Variants in AGPAT3 observed in about 807,000 individuals in gnomAD.
AGPAT3 encodes the protein 1-acyl-sn-glycerol-3-phosphate acyltransferase gamma.
In AGPAT3, 5 loss-of-function variants were observed where a neutral mutation model predicts 47.3. That is an observed-to-expected ratio of 0.11 (90% CI 0.06 to 0.22). AGPAT3 has a LOEUF of 0.22. Among genes scored for constraint, AGPAT3 ranks in the 10% least tolerant of loss-of-function variants. The pLI, the probability that AGPAT3 is intolerant of heterozygous loss-of-function variation, is 1.00. For missense variants in AGPAT3, 315 were observed against 493.0 expected (o/e 0.64, Z 3.42); for synonymous variants, 212 against 208.3 (o/e 1.02, Z -0.15).
Position 43,955,851 on chromosome 21 carries a change from G to A in AGPAT3, c.-48-3783G>A, listed in dbSNP as rs904729560. On this transcript the variant is annotated intron_variant, in intron 2 of 9. Coordinates refer to ENST00000291572, the MANE Select transcript of AGPAT3 (RefSeq NM_020132.5). The surrounding 1 kb of genome is among the most constrained non-coding windows in gnomAD (Gnocchi z 4.1). ...AACCCAGGAAGCTGCAGTGAGCCAA[G>A]ATGGCACCACAGCACTCTAACCTGG... Among the ~76,000 whole-genome samples the A allele has an allele frequency of 1.3e-5, 2 of 149,960 alleles. No homozygotes were observed. The highest frequency in any genetic ancestry group is 4.9e-5 in the African/African-American group (2 of 40,528).
chr21:43,924,078 G>A (rs1341027630), intron 2 of AGPAT3, among the ~76,000 whole-genome samples: 1 of 152,026 alleles, frequency 6.6e-6, no homozygotes, highest in Non-Finnish European at 1.5e-5. Flanking sequence ...GTGCAGTGGC[G>A]TGATCTCAGC....
At position 43,945,410 on chromosome 21, in the gene AGPAT3, G is replaced by A. The variant is rs888045774; in HGVS notation, c.-48-14224G>A. On this transcript the variant is annotated intron_variant, in intron 2 of 9. Coordinates refer to ENST00000291572, the MANE Select transcript of AGPAT3 (RefSeq NM_020132.5). ...CATTACACATTTCATTTCACTTCAC[G>A]TTTTATTGGTTTGAGTAATGGTTTA... Among the ~76,000 whole-genome samples, 11 of 152,284 alleles carry A rather than the reference G, an allele frequency of 7.2e-5. No individual in the cohort carries two copies. The East Asian group carries it at 1.2e-3, about 16-fold the overall frequency.
chr21:43,952,843 G>A lies in AGPAT3; in HGVS notation c.-48-6791G>A, dbSNP rs1206969870. 6.6e-6 allele frequency among the ~76,000 whole-genome samples: 1 copy of A among 152,040 alleles called. No homozygotes were observed. The highest frequency in any genetic ancestry group is 1.5e-5 in the Non-Finnish European group (1 of 67,994). ...GCCCCAGCCCCAGAAATCAGATGGA[G>A]CCCCAGAGGTCCCACCCCTGAGGTC... On this transcript the variant is annotated intron_variant, in intron 2 of 9. Coordinates refer to ENST00000291572, the MANE Select transcript of AGPAT3 (RefSeq NM_020132.5). This position sits in a 1 kb window ranked among gnomAD's most constrained non-coding sequence, Gnocchi z 5.6.
chr21:43,866,120 G>GT (rs751185123), intron 1 of AGPAT3, among the ~76,000 whole-genome samples: 2,187 of 132,372 alleles, frequency 0.017, 37 homozygotes, highest in African/African-American at 0.035. Context: ...ATGGTGCAGT[G>GT]TTTTTTTTTT....
At chr21:43,947,831 G>A (rs1320351220) in intron 2 of AGPAT3, among the ~76,000 whole-genome samples, 7 of 151,936 alleles carry the variant, frequency 4.6e-5, no homozygotes, top group African/African-American at 1.7e-4. Context: ...TTTTAGTAGA[G>A]ACGGGGTTTC....
rs551952805 is a variant in AGPAT3 at position 43,936,636 on chromosome 21, G to A, written c.-48-22998G>A. On this transcript the variant is annotated intron_variant, in intron 2 of 9. Transcript: ENST00000291572. ...ATAATACTTCTGTTCTATCACAGCC[G>A]AAAAGCTCACCCGACTGCTGCCCAC... Among the ~76,000 whole-genome samples, 171 of 152,338 alleles carry A rather than the reference G, an allele frequency of 1.1e-3. 1 individual carries two copies. The highest frequency in any genetic ancestry group is 3.9e-3 in the African/African-American group (161 of 41,582).
chr21:43,927,682 G>A (rs998170930), intron 2 of AGPAT3, among the ~76,000 whole-genome samples: 1 of 152,244 alleles, frequency 6.6e-6, no homozygotes, highest in Non-Finnish European at 1.5e-5. Flanking sequence ...TGTGGGAGCA[G>A]TGACTTTGTG....
rs925222101 is a variant in AGPAT3 at position 43,922,025 on chromosome 21, G to A, written c.-49+18006G>A. ...TGTCTCTCGATGCCATTTTTGTGAA[G>A]GTTTAGCAAATACTTGATAGATTGT... On this transcript the variant is annotated intron_variant, in intron 2 of 9. Coordinates refer to ENST00000291572, the MANE Select transcript of AGPAT3 (RefSeq NM_020132.5). This position sits in a 1 kb window ranked among gnomAD's most constrained non-coding sequence, Gnocchi z 4.9. 6.6e-6 allele frequency among the ~76,000 whole-genome samples: 1 copy of A among 152,146 alleles called. No homozygotes were observed. Among genetic ancestry groups the A allele is most frequent in the Non-Finnish European group, 1.5e-5 (1 of 68,016 alleles).
intron 1 of AGPAT3, among the ~76,000 whole-genome samples, chr21:43,867,947 C>G (rs2085545026): frequency 6.6e-6 from 1 of 152,196 alleles, no homozygotes; most frequent in Non-Finnish European, 1.5e-5. Context: ...GGCGTCTGTC[C>G]TTCCTAAAAC....
chr21:43,940,884 T>A (rs1660627284), intron 2 of AGPAT3, among the ~76,000 whole-genome samples: 1 of 152,182 alleles, frequency 6.6e-6, no homozygotes, highest in Non-Finnish European at 1.5e-5. Flanking sequence ...GTGTCACAGA[T>A]CACGCTGGCC....
chr21:43,900,558 A>G (rs1424076327), intron 1 of AGPAT3, among the ~76,000 whole-genome samples: 1 of 152,150 alleles, frequency 6.6e-6, no homozygotes, highest in Admixed American at 6.5e-5. Flanking sequence ...TGGAATGTAC[A>G]AAGAAAAATA....
intron 2 of AGPAT3, among the ~76,000 whole-genome samples, chr21:43,923,924 G>C (rs968058828): frequency 3.5e-4 from 54 of 152,174 alleles, no homozygotes; most frequent in African/African-American, 1.2e-3. Flanking sequence ...GAGTGCTGTC[G>C]AGGGCCCCGC....
chr21:43,969,076 C>T (rs768798603), intron 4 of AGPAT3, 42 bp from the exon 5 acceptor site: 213 of 1,606,432 alleles, frequency 1.3e-4, no homozygotes, highest in Non-Finnish European at 1.7e-4. Flanking sequence ...GGCCTCTGTC[C>T]GACGCTGAAG....
intron 1 of AGPAT3, among the ~76,000 whole-genome samples, chr21:43,874,099 C>T (rs975572972): frequency 6.6e-6 from 1 of 152,136 alleles, no homozygotes; most frequent in Admixed American, 6.5e-5. Context: ...GATCTCGGCT[C>T]ACTGCAACCT....
chr21:43,935,436 G>A (rs117568963), intron 2 of AGPAT3, among the ~76,000 whole-genome samples: 1 of 152,258 alleles, frequency 6.6e-6, no homozygotes, highest in South Asian at 2.1e-4. Context: ...AGCCGTTCAG[G>A]AGGAGGGCAG....
chr21:43,891,656 A>G (rs1239341914), intron 1 of AGPAT3, among the ~76,000 whole-genome samples: 1 of 151,330 alleles, frequency 6.6e-6, no homozygotes, highest in Non-Finnish European at 1.5e-5. Context: ...AAAGGGAGCA[A>G]CTCCTCACCT....
At chr21:43,940,757 G>A (rs1158559235) in intron 2 of AGPAT3, among the ~76,000 whole-genome samples, 2 of 152,222 alleles carry the variant, frequency 1.3e-5, no homozygotes, top group African/African-American at 2.4e-5. Flanking sequence ...TCAAAGTGGC[G>A]CTGCTCTGTC....
intron 8 of AGPAT3, among the ~76,000 whole-genome samples, chr21:43,979,298 CAAA>C (rs540542305): frequency 6.9e-5 from 4 of 57,742 alleles, no homozygotes; most frequent in African/African-American, 2.6e-4. Flanking sequence ...GACTCCAACT[CAAA>C]AAAAAAAAAA....
intron 2 of AGPAT3, among the ~76,000 whole-genome samples, chr21:43,909,472 A>G (rs1319778722): frequency 6.6e-6 from 1 of 151,564 alleles, no homozygotes; most frequent in Non-Finnish European, 1.5e-5. Flanking sequence ...ATTTTTTTGT[A>G]TTTTTAGTAG....
Sources: gnomAD v4.1 joint callset for allele counts (sites outside exome capture counted in the v4.1 genomes callset) on GRCh38, gnomAD v4.1.1 for gene constraint, Gnocchi (gnomAD v3.1) non-coding constraint, MANE v1.5 for transcripts, NCBI Gene and HGNC (gene_info 2026-07-23, HGNC 2026-07-21) for gene names.